The following ASAP1 variants were observed in gnomAD, a reference collection of about 807,000 sequenced individuals.
ASAP1 encodes the protein arf-GAP with SH3 domain, ANK repeat and PH domain-containing protein 1.
In ASAP1, 43 loss-of-function variants were observed where a neutral mutation model predicts 145.2. The observed-to-expected ratio is 0.30, with a 90% CI of 0.23 to 0.38. The LOEUF (loss-of-function observed/expected upper bound fraction) is 0.38, where lower values mean the gene tolerates loss of function less well. ASAP1 is among the 10% of genes least tolerant of loss of function. The pLI is 1.00. For synonymous variants in ASAP1, 546 were observed against 515.5 expected (o/e 1.06, Z -0.80); for missense variants, 1,018 against 1,355.3 (o/e 0.75, Z 3.91).
Position 130,161,730 on chromosome 8 carries a change from G to A in ASAP1, c.910-1766C>T, listed in dbSNP as rs187640193. Reference sequence around the variant, plus strand: ...TGGACAATATTAATCATTTGGGAGAGATGAGGCATGGACTTGAATCTAGGA... The same window carrying A: ...TGGACAATATTAATCATTTGGGAGAAATGAGGCATGGACTTGAATCTAGGA... On this transcript the variant is annotated intron_variant, in intron 11 of 29. Coordinates refer to ENST00000518721, the MANE Select transcript of ASAP1 (RefSeq NM_018482.4). Among the ~76,000 whole-genome samples, 270 of 152,318 alleles carry A rather than the reference G, an allele frequency of 1.8e-3. 1 individual carries two copies. Among genetic ancestry groups the A allele is most frequent in the African/African-American group, 6.0e-3 (250 of 41,558 alleles).
In ASAP1 at chr8:130,090,812, G is replaced by A. The variant is rs1592776679; in HGVS notation, c.2572+1161C>T. ...ACACATGCTTGCACACACATAACCC[G>A]GGGTGTCTGGGCCAGATGGTGAACA... On this transcript the variant is annotated intron_variant, in intron 25 of 29. Coordinates refer to ENST00000518721, the MANE Select transcript of ASAP1 (RefSeq NM_018482.4). 2.0e-5 allele frequency among the ~76,000 whole-genome samples: 3 copies of A among 152,270 alleles called. 1 individual carries two copies. The highest frequency in any genetic ancestry group is 4.1e-4 in the South Asian group (2 of 4,826).
At chr8:130,326,644 T>C (rs1824351927) in intron 3 of ASAP1, among the ~76,000 whole-genome samples, 1 of 151,984 alleles carries the variant, frequency 6.6e-6, no homozygotes, top group Admixed American at 6.5e-5. Context: ...CAACAAAGAG[T>C]AGAGAAAACA....
intron 14 of ASAP1, among the ~76,000 whole-genome samples, chr8:130,136,402 C>G (rs1204909422): frequency 6.6e-6 from 1 of 152,156 alleles, no homozygotes; most frequent in Non-Finnish European, 1.5e-5. Flanking sequence ...GAAGGCAGTT[C>G]TGCTTGGAAG....
rs1161828950 is a variant in ASAP1, at chr8:130,125,871, A to G, written c.1515+85T>C. 2.2e-6 allele frequency: 3 copies of G among 1,352,730 alleles called. No individual in the cohort carries two copies. In the African/African-American group the frequency reaches 4.4e-5, roughly 20 times the overall value. The allele number at this position is 1,352,730 out of a possible 1,614,324, so 83.8% of individuals were successfully genotyped here. A position where few individuals can be genotyped will look rare whatever the true frequency, so the allele number is the denominator to read the frequency against. On this transcript the variant is annotated intron_variant, in intron 17 of 29. Transcript: ENST00000518721. ...GGAATTATAATTCTTTGTACTCAGC[A>G]GACATACAAAAAAAATCCAAAACAA...
At chr8:130,180,424 T>C (rs542751013) in intron 8 of ASAP1, among the ~76,000 whole-genome samples, 63 of 152,302 alleles carry the variant, frequency 4.1e-4, no homozygotes, top group Admixed American at 2.7e-3. Context: ...GCTCTAAACA[T>C]ACACCAATAA....
At chr8:130,092,574 C>G (rs2097507900) in intron 24 of ASAP1, among the ~76,000 whole-genome samples, 3 of 152,158 alleles carry the variant, frequency 2.0e-5, no homozygotes, top group African/African-American at 7.2e-5. Context: ...ATACACTGAG[C>G]TATGATTATG....
chr8:130,415,526 G>C (rs1048148861), intron 1 of ASAP1, among the ~76,000 whole-genome samples: 2 of 152,096 alleles, frequency 1.3e-5, no homozygotes, highest in Non-Finnish European at 2.9e-5. Context: ...GGTGGCTCAA[G>C]CCTGTAATCC....
chr8:130,180,975 G>T, intron 7 of ASAP1, 95 bp from the exon 8 acceptor site: 1 of 1,180,630 alleles, frequency 8.5e-7, no homozygotes, highest in Non-Finnish European at 1.2e-6. Context: ...GATTTGGGGT[G>T]ACGATGTGTC....
chr8:130,191,386 G>C (rs1189437486), intron 5 of ASAP1, among the ~76,000 whole-genome samples: 1 of 152,128 alleles, frequency 6.6e-6, no homozygotes, highest in African/African-American at 2.4e-5. Flanking sequence ...CTCAAGAAAT[G>C]ATTTTACTCA....
At chr8:130,118,699 T>C (rs759794987) in intron 18 of ASAP1, 24 bp from the exon 19 acceptor site, 3 of 1,406,772 alleles carry the variant, frequency 2.1e-6, no homozygotes, top group African/African-American at 1.5e-5. Flanking sequence ...AAATAAAGAA[T>C]TTTTATTTTC....
intron 4 of ASAP1, among the ~76,000 whole-genome samples, chr8:130,224,513 T>C (rs1011369492): frequency 3.9e-5 from 6 of 152,102 alleles, no homozygotes; most frequent in African/African-American, 1.4e-4. Flanking sequence ...CTGGAGTGTA[T>C]CTCAGTGAAA....
At chr8:130,411,356 G>T (rs1338113178) in intron 1 of ASAP1, among the ~76,000 whole-genome samples, 1 of 152,224 alleles carries the variant, frequency 6.6e-6, no homozygotes, top group African/African-American at 2.4e-5. Context: ...TCTAGCTGTG[G>T]CCTTCAGACA....
intron 17 of ASAP1, 39 bp from the exon 18 acceptor site, chr8:130,124,143 T>G (rs757740557): frequency 7.6e-7 from 1 of 1,322,938 alleles, no homozygotes; most frequent in Admixed American, 2.2e-5. Flanking sequence ...TATAGCAAAC[T>G]CTTTGCTACT....
chr8:130,304,130 C>G (rs1188595743), intron 3 of ASAP1, among the ~76,000 whole-genome samples: 1 of 151,884 alleles, frequency 6.6e-6, no homozygotes, highest in Admixed American at 6.6e-5. Context: ...TAAAAAAAAA[C>G]TCTACAAATT....
At chr8:130,162,720 A>C (rs1325445120) in intron 11 of ASAP1, among the ~76,000 whole-genome samples, 4 of 151,472 alleles carry the variant, frequency 2.6e-5, no homozygotes, top group African/African-American at 9.7e-5. Context: ...CAGGAGGCTG[A>C]GGCAGAAGAA....
intron 1 of ASAP1, among the ~76,000 whole-genome samples, chr8:130,436,118 T>C (rs893278809): frequency 6.6e-6 from 1 of 151,942 alleles, no homozygotes; most frequent in Non-Finnish European, 1.5e-5. Context: ...AAAATGAAGA[T>C]ATAAAACACA....
intron 8 of ASAP1, among the ~76,000 whole-genome samples, chr8:130,180,276 A>T (rs761854812): frequency 1.3e-5 from 2 of 152,240 alleles, no homozygotes; most frequent in Non-Finnish European, 1.5e-5. Flanking sequence ...GTTCATGTTC[A>T]ATTGGAATTC....
intron 12 of ASAP1, among the ~76,000 whole-genome samples, chr8:130,153,363 ATATATATATATATATATATATTT>A (rs2097651518): frequency 1.1e-5 from 1 of 87,206 alleles, no homozygotes; most frequent in African/African-American, 4.5e-5. Flanking sequence ...ATATATGTAT[ATATATATATATATATATATATTT>A]TGAGACAGGG....
At chr8:130,443,087 G>C (rs147167267) in intron 1 of ASAP1, among the ~76,000 whole-genome samples, 7 of 151,994 alleles carry the variant, frequency 4.6e-5, no homozygotes, top group Admixed American at 3.9e-4. Context: ...CCCCATCGGC[G>C]GGGTCCGGGC....
Sources: gnomAD v4.1 joint callset for allele counts (sites outside exome capture counted in the v4.1 genomes callset) on GRCh38, gnomAD v4.1.1 for gene constraint, MANE v1.5 for transcripts, NCBI Gene and HGNC (gene_info 2026-07-23, HGNC 2026-07-21) for gene names.